The following COA6 variants were observed in gnomAD, a reference collection of about 807,000 sequenced individuals.
The protein encoded by COA6 is cytochrome c oxidase assembly factor 6 homolog.
In COA6, 12 loss-of-function variants were observed where a neutral mutation model predicts 17.1. The observed-to-expected ratio is 0.70, with a 90% CI of 0.45 to 1.14. The LOEUF (loss-of-function observed/expected upper bound fraction) is 1.14, where lower values mean the gene tolerates loss of function less well. Among genes scored for constraint, COA6 ranks in the 50% most tolerant of loss-of-function variants. COA6 has a pLI of 0.00. For synonymous variants in COA6, 90 were observed against 73.4 expected (o/e 1.23, Z -1.16); for missense variants, 246 against 196.5 (o/e 1.25, Z -1.51).
chr1:234,381,439 G>A (rs1658967566), intron 2 of COA6, among the ~76,000 whole-genome samples: 1 of 152,222 alleles, frequency 6.6e-6, no homozygotes, highest in Non-Finnish European at 1.5e-5. Flanking sequence ...GGGTAGCTCT[G>A]TAGGACAAAC....
chr1:234,373,554 G>C lies in COA6; in HGVS notation c.88G>C (p.Glu30Gln), dbSNP rs754467006. Reference protein sequence around the residue: ...RLGRSTLLELEPAGRPCSGRT... With the variant: ...RLGRSTLLELQPAGRPCSGRT... ...GGGGAGGTCTACGCTTCTAGAGCTT[G>C]AGCCAGCGGGGCGACCCTGCAGTGG... The change falls in exon 1 of 3, where the codon GAG becomes CAG. Residue 30 changes from glutamate (E) to glutamine (Q), a missense_variant. Transcript: ENST00000366615. The C allele has an allele frequency of 1.9e-6, 3 of 1,611,996 alleles. No homozygotes were observed. In the East Asian group the frequency reaches 6.7e-5, roughly 36 times the overall value.
rs1002926712 is a variant in COA6 at position 234,385,014 on chromosome 1, G to T, written c.*1196G>T. ...TGTGCAATAGCATTATGTCTGCTCA[G>T]TATATATGCCTTCATTTTAAAATAC... On this transcript the variant is annotated 3_prime_UTR_variant, in exon 3 of 3. Coordinates refer to ENST00000366615, the MANE Select transcript of COA6 (RefSeq NM_001206641.3). Among the ~76,000 whole-genome samples, 15 of 151,404 alleles carry T rather than the reference G, an allele frequency of 9.9e-5. No homozygotes were observed. Among genetic ancestry groups the T allele is most frequent in the Non-Finnish European group, 1.6e-4 (11 of 67,828 alleles).
rs1558123256 is a variant in COA6, at chr1:234,373,589, G to C, written c.123G>C (p.Arg41=). 6.2e-6 allele frequency: 10 copies of C among 1,612,288 alleles called. No homozygotes were observed. The highest frequency in any genetic ancestry group is 8.5e-6 in the Non-Finnish European group (10 of 1,179,460). ...GGCGACCCTGCAGTGGCAGGACTCG[G>C]CACCGCGCCCTCCACCGCCGGTTGG... ...PAGRPCSGRT[R]HRALHRRLVA... is the part of the protein sequence containing the mutation. Residue 41 remains arginine (R), a synonymous_variant, in exon 1 of 3, where the codon CGG becomes CGC. Coordinates refer to ENST00000366615, the MANE Select transcript of COA6 (RefSeq NM_001206641.3).
At chr1:234,375,538 A>T (rs907778445) in intron 2 of COA6, among the ~76,000 whole-genome samples, 1 of 152,200 alleles carries the variant, frequency 6.6e-6, no homozygotes, top group African/African-American at 2.4e-5. Flanking sequence ...TTGCCCTCTC[A>T]TACCTCAAAC....
At chr1:234,380,871 G>A (rs6684927) in intron 2 of COA6, among the ~76,000 whole-genome samples, 43,243 of 152,176 alleles carry the variant, frequency 0.28, 7,025 homozygotes, top group East Asian at 0.4. Flanking sequence ...GCGGTGGCAC[G>A]CGCCTGTAGT....
chr1:234,377,667 C>T (rs182451659), intron 2 of COA6, among the ~76,000 whole-genome samples: 98 of 152,348 alleles, frequency 6.4e-4, no homozygotes, highest in African/African-American at 2.0e-3. Flanking sequence ...CTTCTGGAAG[C>T]TCTGGAGTGT....
chr1:234,374,379 C>T lies in COA6; in HGVS notation c.362C>T (p.Pro121Leu). ...AGAAGCTCTTTCGAATCAAGTTGTC[C>T]CCAACAGTGGGTAAGTCACACTTTG... Reference protein sequence around the residue: ...KLRSSFESSCPQQWIKYFDKR... With the variant: ...KLRSSFESSCLQQWIKYFDKR... Residue 121 changes from proline (P) to leucine (L), a missense_variant, in exon 2 of 3, where the codon CCC (proline) becomes CTC (leucine). Pro to Leu is a moderately conservative substitution (Grantham distance 98). Transcript: ENST00000366615. The T allele has an allele frequency of 6.2e-7, 1 of 1,613,870 alleles. No homozygotes were observed. The highest frequency in any genetic ancestry group is 8.5e-7 in the Non-Finnish European group (1 of 1,179,948).
intron 1 of COA6, 42 bp from the exon 2 acceptor site, chr1:234,374,188 A>G: frequency 6.4e-7 from 1 of 1,566,086 alleles, no homozygotes; most frequent in Non-Finnish European, 8.7e-7. Context: ...TCTTCAGATT[A>G]CAAAGTTCAT....
In COA6 at chr1:234,382,208, G is replaced by A. The variant is rs115915137; in HGVS notation, c.373-1515G>A. Among the ~76,000 whole-genome samples, 458 of 152,304 alleles carry A rather than the reference G, an allele frequency of 3.0e-3. 1 individual carries two copies. Among genetic ancestry groups the A allele is most frequent in the African/African-American group, 9.9e-3 (413 of 41,576 alleles). ...TAGGTGTCGTCGTCAGCTCTGGATC[G>A]AAAAGTGGACCAGGGTTTTCTTTCT... On this transcript the variant is annotated intron_variant, in intron 2 of 2. Coordinates refer to ENST00000366615, the MANE Select transcript of COA6 (RefSeq NM_001206641.3).
At chr1:234,376,678 T>G (rs562501696) in intron 2 of COA6, among the ~76,000 whole-genome samples, 2 of 152,276 alleles carry the variant, frequency 1.3e-5, no homozygotes, top group South Asian at 4.2e-4. Flanking sequence ...AGAAACTGAG[T>G]TATCATTCAG....
In COA6 at chr1:234,373,490, G is replaced by C. The variant is rs756926467; in HGVS notation, c.24G>C (p.Lys8Asn). 6.3e-7 allele frequency: 1 copy of C among 1,583,516 alleles called. No homozygotes were observed. The highest frequency in any genetic ancestry group is 8.6e-7 in the Non-Finnish European group (1 of 1,165,078). Reference sequence around the variant, plus strand: ...AAATGGTAGCTCGGAAGGGTCAAAAGAGTCCGCGGTTTCGCCGCGTGAGTT... The same window carrying C: ...AAATGGTAGCTCGGAAGGGTCAAAACAGTCCGCGGTTTCGCCGCGTGAGTT... Reference protein sequence around the residue: MVARKGQKSPRFRRVSCF... With the variant: MVARKGQNSPRFRRVSCF... The change falls in exon 1 of 3, where the codon AAG becomes AAC. Residue 8 changes from lysine to asparagine, a missense_variant. Physicochemically the swap from Lys to Asn is moderately conservative, Grantham distance 94. Coordinates refer to ENST00000366615, the MANE Select transcript of COA6 (RefSeq NM_001206641.3).
chr1:234,378,050 A>G (rs1454773749), intron 2 of COA6, among the ~76,000 whole-genome samples: 1 of 152,252 alleles, frequency 6.6e-6, no homozygotes, highest in Non-Finnish European at 1.5e-5. Flanking sequence ...GGAGTATGAC[A>G]GTTAATGGAT....
intron 2 of COA6, among the ~76,000 whole-genome samples, chr1:234,378,155 C>T (rs1260810540): frequency 6.6e-6 from 1 of 152,156 alleles, no homozygotes; most frequent in Admixed American, 6.5e-5. Flanking sequence ...AACACATAAC[C>T]TGCCCATTTT....
intron 2 of COA6, among the ~76,000 whole-genome samples, chr1:234,378,469 G>GT (rs1301054222): frequency 2.0e-5 from 3 of 152,154 alleles, no homozygotes; most frequent in Non-Finnish European, 4.4e-5. Context: ...GTCAAGAAAG[G>GT]TTTTATTTAT....
intron 2 of COA6, among the ~76,000 whole-genome samples, chr1:234,376,880 A>G (rs1351656273): frequency 1.3e-5 from 2 of 152,212 alleles, no homozygotes; most frequent in African/African-American, 4.8e-5. Flanking sequence ...CATGGCTTGA[A>G]GTCCCAGCTT....
intron 1 of COA6, 53 bp downstream of exon 1, chr1:234,373,731 G>A (rs1244903454): frequency 6.2e-7 from 1 of 1,613,854 alleles, no homozygotes; most frequent in South Asian, 1.1e-5. Context: ...GGGCCCGGGA[G>A]GTCCCTTACT....
intron 1 of COA6, 129 bp from the exon 2 acceptor site, chr1:234,374,101 G>A: frequency 9.8e-7 from 1 of 1,022,248 alleles, no homozygotes; most frequent in Non-Finnish European, 1.3e-6. Context: ...GCATGGTTTT[G>A]TTTTGTTTTT....
At chr1:234,376,121 T>C (rs988922882) in intron 2 of COA6, among the ~76,000 whole-genome samples, 2 of 152,194 alleles carry the variant, frequency 1.3e-5, no homozygotes, top group Non-Finnish European at 2.9e-5. Flanking sequence ...GAAAATATTA[T>C]ACATCTGTAG....
At chr1:234,375,253 G>A (rs1209098531) in intron 2 of COA6, among the ~76,000 whole-genome samples, 1 of 152,148 alleles carries the variant, frequency 6.6e-6, no homozygotes, top group African/African-American at 2.4e-5. Context: ...GTTGTAGTGA[G>A]CCAAGATCAC....
Sources: allele counts gnomAD v4.1 joint callset (sites outside exome capture counted in the v4.1 genomes callset), GRCh38; gene constraint gnomAD v4.1.1; transcripts MANE v1.5; gene names NCBI Gene and HGNC (gene_info 2026-07-23, HGNC 2026-07-21).